USP34: variants seen among roughly 807,000 people sequenced by gnomAD.
USP34 encodes ubiquitin carboxyl-terminal hydrolase 34.
USP34 carries 70 observed loss-of-function variants against 460.3 expected under a neutral mutation model. The ratio of observed to expected loss-of-function variants is 0.15; its 90% CI spans 0.13 to 0.19. The LOEUF is 0.19. Among genes scored for constraint, USP34 ranks in the 10% least tolerant of loss-of-function variants. USP34 has a pLI of 1.00. For missense variants in USP34, 3,985 were observed against 4,236.2 expected (o/e 0.94, Z 1.65); for synonymous variants, 1,647 against 1,405.3 (o/e 1.17, Z -3.85).
In USP34 at chr2:61,214,313, G is replaced by GCA; in HGVS notation, c.8427_8428dup (p.Ala2810ValfsTer17). ...AAGGCGGATATTCTCTGGACAGTCA[G>GCA]CACAGACATTGTACCAAAATGAAAG... On this transcript the variant is annotated frameshift_variant, in exon 68 of 80. Coordinates refer to ENST00000398571, the MANE Select transcript of USP34 (RefSeq NM_014709.4). LOFTEE classifies it high-confidence loss of function. 6.2e-7 allele frequency: 1 copy of GCA among 1,614,236 alleles called. No individual in the cohort carries two copies.
In USP34 at chr2:61,223,316, G is replaced by C. The variant is rs1687641359; in HGVS notation, c.7596-20C>G. 1 of 1,609,582 alleles carries C rather than the reference G, an allele frequency of 6.2e-7. No individual in the cohort carries two copies. Among genetic ancestry groups the C allele is most frequent in the Non-Finnish European group, 8.5e-7 (1 of 1,178,182 alleles). On this transcript the variant is annotated intron_variant, in intron 62 of 79. Coordinates refer to ENST00000398571, the MANE Select transcript of USP34 (RefSeq NM_014709.4). ...AAATGCCTGAAAGAAAATATTAGTG[G>C]AAATAAGTTTTTCTTCCTTCTGTAT...
At position 61,344,037 on chromosome 2, in the gene USP34, A is replaced by G. The variant is rs756327285; in HGVS notation, c.2286-8T>C. ...ATATCATCAACCATATGCCTACAAA[A>G]CAGAGAAAAGCACAAAGTTAGTAAT... is the stretch of plus-strand genomic sequence containing the variant. On this transcript the variant is annotated splice_region_variant and splice_polypyrimidine_tract_variant and intron_variant, in intron 15 of 79. Transcript: ENST00000398571. The G allele has an allele frequency of 6.2e-7, 1 of 1,611,148 alleles. No homozygotes were observed.
chr2:61,226,977 A>C lies in USP34; in HGVS notation c.7595+90T>G, dbSNP rs997424025. On this transcript the variant is annotated intron_variant, in intron 62 of 79. Transcript: ENST00000398571. Reference sequence around the variant, plus strand: ...ATTACATAATTAAACATATATAATAAAAAGCTAGTGGAAAAACTAGTGGTA... The same window carrying C: ...ATTACATAATTAAACATATATAATACAAAGCTAGTGGAAAAACTAGTGGTA... 11 of 1,400,790 alleles carry C rather than the reference A, an allele frequency of 7.9e-6. No individual in the cohort carries two copies. In the African/African-American group the frequency reaches 1.3e-4, roughly 17 times the overall value. 86.8% of individuals were successfully genotyped at this position (1,400,790 alleles called of 1,614,324 possible). A position where few individuals can be genotyped will look rare whatever the true frequency, so the allele number is the denominator to read the frequency against.
chr2:61,342,232 T>G (rs1211545780), intron 16 of USP34, among the ~76,000 whole-genome samples: 1 of 151,916 alleles, frequency 6.6e-6, no homozygotes, highest in African/African-American at 2.4e-5. Flanking sequence ...AGTGCCTCAC[T>G]GTGGTTTTAA....
chr2:61,371,601 T>G (rs1302435602), intron 8 of USP34, among the ~76,000 whole-genome samples: 1 of 152,058 alleles, frequency 6.6e-6, no homozygotes, highest in Non-Finnish European at 1.5e-5. Flanking sequence ...AAAGTTAGAG[T>G]AAGCTAAGGT....
intron 1 of USP34, among the ~76,000 whole-genome samples, chr2:61,449,161 G>GGGAGGGACA (rs1436738070): frequency 2.3e-5 from 1 of 43,306 alleles, no homozygotes; most frequent in South Asian, 3.9e-4. Context: ...ATGGAGGGAC[G>GGGAGGGACA]GGAGGGACAG....
intron 2 of USP34, among the ~76,000 whole-genome samples, chr2:61,410,541 C>G (rs762171952): frequency 6.6e-6 from 1 of 152,152 alleles, no homozygotes; most frequent in African/African-American, 2.4e-5. Context: ...CCTTGCTGTA[C>G]ATTGCATCCA....
chr2:61,234,401 G>A (rs1229899896), intron 57 of USP34, among the ~76,000 whole-genome samples: 1 of 152,192 alleles, frequency 6.6e-6, no homozygotes, highest in African/African-American at 2.4e-5. Flanking sequence ...ACCTTTGAGT[G>A]GGTTATCCTT....
At chr2:61,219,489 G>A (rs1187782311) in intron 67 of USP34, among the ~76,000 whole-genome samples, 1 of 152,038 alleles carries the variant, frequency 6.6e-6, no homozygotes, top group Non-Finnish European at 1.5e-5. Flanking sequence ...TGGTCAACAC[G>A]GTAAAACCCT....
intron 10 of USP34, 97 bp downstream of exon 10, chr2:61,370,224 T>C: frequency 2.3e-6 from 3 of 1,283,252 alleles, no homozygotes; most frequent in Admixed American, 4.3e-5. Context: ...CTTGGTCTCC[T>C]TAGCTATAAA....
intron 62 of USP34, among the ~76,000 whole-genome samples, chr2:61,226,446 C>A (rs755217803): frequency 1.3e-5 from 2 of 151,750 alleles, no homozygotes; most frequent in Non-Finnish European, 2.9e-5. Context: ...CATACACATA[C>A]ACACACACAC....
At chr2:61,461,113 G>A (rs1039640014) in intron 1 of USP34, among the ~76,000 whole-genome samples, 2 of 151,892 alleles carry the variant, frequency 1.3e-5, no homozygotes, top group African/African-American at 2.4e-5. Context: ...AAGAGGGGCC[G>A]GGCAGGGTGG....
chr2:61,278,753 T>C (rs1689447915), intron 39 of USP34, among the ~76,000 whole-genome samples: 1 of 151,248 alleles, frequency 6.6e-6, no homozygotes, highest in Admixed American at 6.6e-5. Context: ...CTTCACGTTG[T>C]GCACATGTAC....
chr2:61,214,537 G>C lies in USP34; in HGVS notation c.8205C>G (p.Leu2735=), dbSNP rs771415551. 6.2e-7 allele frequency: 1 copy of C among 1,613,670 alleles called. No homozygotes were observed. The highest frequency in any genetic ancestry group is 1.3e-5 in the African/African-American group (1 of 75,036). ...CATCAACATAAAGTTTGGCTCTTGA[G>C]AGCAAACCAAGGAGCACGTTGTAGA... is the stretch of plus-strand genomic sequence containing the variant. The part of the protein sequence containing the change: ...HQVYNVLLGL[L]SRAKLYVDAA... The change falls in exon 68 of 80, where the codon CTC becomes CTG. Residue 2735 remains leucine, a synonymous_variant. Transcript: ENST00000398571.
At chr2:61,457,430 G>T (rs575059243) in intron 1 of USP34, among the ~76,000 whole-genome samples, 3 of 152,258 alleles carry the variant, frequency 2.0e-5, no homozygotes, top group African/African-American at 7.2e-5. Context: ...CACCTAGACG[G>T]CCTACTTATA....
chr2:61,346,941 C>T (rs373447682), intron 15 of USP34, among the ~76,000 whole-genome samples: 11 of 150,566 alleles, frequency 7.3e-5, no homozygotes, highest in East Asian at 5.9e-4. Flanking sequence ...AGTTCAAGAT[C>T]AGCCTGGTCA....
chr2:61,374,758 G>A lies in USP34; in HGVS notation c.1076+3605C>T, dbSNP rs570563188. ...TAATTTTTGTATTTTTAGTAGAGAC[G>A]GGGTTTCGCCATGTTGCCCAGGCTA... On this transcript the variant is annotated intron_variant, in intron 8 of 79. Coordinates refer to ENST00000398571, the MANE Select transcript of USP34 (RefSeq NM_014709.4). 7.2e-5 allele frequency among the ~76,000 whole-genome samples: 11 copies of A among 152,090 alleles called. No homozygotes were observed. In the East Asian group the frequency reaches 1.4e-3, roughly 19 times the overall value.
chr2:61,419,105 A>C (rs1337912833), intron 2 of USP34, among the ~76,000 whole-genome samples: 1 of 152,238 alleles, frequency 6.6e-6, no homozygotes, highest in African/African-American at 2.4e-5. Context: ...GAGAGTTTAC[A>C]GAACTTAACT....
At chr2:61,222,925 A>G in intron 64 of USP34, 135 bp downstream of exon 64, 1 of 803,860 alleles carries the variant, frequency 1.2e-6, no homozygotes, top group Non-Finnish European at 1.9e-6. Flanking sequence ...TCAAACTCCT[A>G]GGCTCAAGCG....
Sources: gnomAD v4.1 joint callset for allele counts (sites outside exome capture counted in the v4.1 genomes callset) on GRCh38, gnomAD v4.1.1 for gene constraint, MANE v1.5 for transcripts, NCBI Gene and HGNC (gene_info 2026-07-23, HGNC 2026-07-21) for gene names.